Variants in RBFOX1 observed in about 807,000 individuals in gnomAD.
RBFOX1 encodes RNA binding fox-1 homolog 1.
Under a neutral mutation model 57.7 loss-of-function variants are expected in RBFOX1, and 8 were observed. The observed-to-expected ratio is 0.14, with a 90% CI of 0.08 to 0.25. The LOEUF is 0.25. Ranked by LOEUF, RBFOX1 falls within the 10% of genes least tolerant of loss-of-function variation. RBFOX1 has a pLI of 1.00. For missense variants in RBFOX1, 611 were observed against 548.5 expected, an observed-to-expected ratio of 1.11 and a Z score of -1.14; for synonymous variants, 326 against 222.4, an observed-to-expected ratio of 1.47 and a Z score of -4.15.
chr16:6,165,814 C>T (rs1412804597), intron 1 of RBFOX1, among the ~76,000 whole-genome samples: 1 of 152,178 alleles, frequency 6.6e-6, no homozygotes, highest in Non-Finnish European at 1.5e-5. Context: ...GCTGTCTGAT[C>T]ACTCAACTGT....
At chr16:5,381,109 A>G (rs763806995) in intron 1 of RBFOX1, among the ~76,000 whole-genome samples, 3 of 152,204 alleles carry the variant, frequency 2.0e-5, no homozygotes, top group Non-Finnish European at 4.4e-5. Flanking sequence ...AGAGGACAGG[A>G]TGCTGAAGGA....
At chr16:6,392,524 A>G (rs2092650003) in intron 2 of RBFOX1, among the ~76,000 whole-genome samples, 1 of 152,248 alleles carries the variant, frequency 6.6e-6, no homozygotes, top group South Asian at 2.1e-4. Context: ...ATGTAAAGTT[A>G]AAGCTAAATG....
intron 4 of RBFOX1, among the ~76,000 whole-genome samples, chr16:7,277,396 A>G (rs1699210748): frequency 6.6e-6 from 1 of 152,120 alleles, no homozygotes; most frequent in Non-Finnish European, 1.5e-5. Context: ...TCCATCTCCC[A>G]CCCATCTCCA....
chr16:6,771,099 A>C (rs2078215226), intron 3 of RBFOX1, among the ~76,000 whole-genome samples: 1 of 152,226 alleles, frequency 6.6e-6, no homozygotes, highest in South Asian at 2.1e-4. Context: ...CCTTATAAGA[A>C]GAAAAAATCA....
chr16:6,231,216 TTGTGTG>T (rs530803836), intron 1 of RBFOX1, among the ~76,000 whole-genome samples: 12 of 145,040 alleles, frequency 8.3e-5, no homozygotes, highest in Non-Finnish European at 1.5e-4. Context: ...GTGTATGTGT[TTGTGTG>T]TGTGTGTGTG....
chr16:5,866,611 G>T (rs1441425579), intron 3 of RBFOX1, among the ~76,000 whole-genome samples: 1 of 152,226 alleles, frequency 6.6e-6, no homozygotes, highest in South Asian at 2.1e-4. Context: ...TTGATATACA[G>T]TAGGCTTGTA....
chr16:6,329,547 G>A (rs563312031), intron 2 of RBFOX1, among the ~76,000 whole-genome samples: 3 of 152,292 alleles, frequency 2.0e-5, no homozygotes, highest in South Asian at 2.1e-4. Context: ...TGACAAAGGC[G>A]ATTGTCTTCA....
chr16:6,604,495 G>A (rs1413998391), intron 2 of RBFOX1, among the ~76,000 whole-genome samples: 2 of 151,910 alleles, frequency 1.3e-5, no homozygotes, highest in African/African-American at 2.4e-5. Flanking sequence ...TGGCACAATT[G>A]GATTATAAAG....
At chr16:7,300,569 A>T (rs1446715769) in intron 4 of RBFOX1, among the ~76,000 whole-genome samples, 1 of 152,156 alleles carries the variant, frequency 6.6e-6, no homozygotes, top group Non-Finnish European at 1.5e-5. Context: ...CTTTCTGTCT[A>T]ACTGGAGTCT....
chr16:6,171,392 T>C (rs1047230679), intron 1 of RBFOX1, among the ~76,000 whole-genome samples: 1 of 152,158 alleles, frequency 6.6e-6, no homozygotes, highest in Non-Finnish European at 1.5e-5. Context: ...CATAAGGAGT[T>C]CAAGACTCGA....
intron 4 of RBFOX1, among the ~76,000 whole-genome samples, chr16:7,209,538 G>A (rs1603211583): frequency 6.6e-6 from 1 of 152,106 alleles, no homozygotes. Context: ...CCTTCCTTCT[G>A]CTCTCAGTGC....
At chr16:6,725,438 C>T (rs1476373288) in intron 3 of RBFOX1, among the ~76,000 whole-genome samples, 1 of 152,126 alleles carries the variant, frequency 6.6e-6, no homozygotes, top group East Asian at 1.9e-4. Context: ...CATCCTGTGA[C>T]TCACAATCCC....
At chr16:7,055,490 C>G (rs943366341) in intron 4 of RBFOX1, among the ~76,000 whole-genome samples, 6 of 152,164 alleles carry the variant, frequency 3.9e-5, no homozygotes, top group African/African-American at 1.2e-4. Flanking sequence ...TGTCTGCCAT[C>G]TACCCCATAT....
rs1567609358 is a variant in RBFOX1 at position 6,540,096 on chromosome 16, C to CT, written c.-63-114507_-63-114506insT. Among the ~76,000 whole-genome samples, 345 of 151,942 alleles carry CT rather than the reference C, an allele frequency of 2.3e-3. 1 individual carries two copies. Among genetic ancestry groups the CT allele is most frequent in the African/African-American group, 8.0e-3 (331 of 41,422 alleles). ...TTGATGAAATAGAGAAGCAGGCTGC[C>CT]CTCTGTCAGTTGAAGAACCCATGTT... is the stretch of plus-strand genomic sequence containing the variant. On this transcript the variant is annotated intron_variant, in intron 2 of 15. Coordinates refer to ENST00000550418, the MANE Select transcript of RBFOX1 (RefSeq NM_018723.4).
At chr16:7,386,316 G>T (rs1203788332) in intron 4 of RBFOX1, among the ~76,000 whole-genome samples, 1 of 152,028 alleles carries the variant, frequency 6.6e-6, no homozygotes, top group Non-Finnish European at 1.5e-5. Context: ...CATGTGCCAT[G>T]GTGGTTGCTG....
intron 2 of RBFOX1, among the ~76,000 whole-genome samples, chr16:6,509,505 C>G (rs995294502): frequency 2.0e-5 from 3 of 151,928 alleles, no homozygotes; most frequent in African/African-American, 7.3e-5. Flanking sequence ...CTCATGGAGA[C>G]AGAAAGTAGA....
chr16:7,486,900 A>G (rs2065547468), intron 4 of RBFOX1, among the ~76,000 whole-genome samples: 1 of 151,922 alleles, frequency 6.6e-6, no homozygotes, highest in Admixed American at 6.6e-5. Flanking sequence ...ACTTCAAGGC[A>G]TTTGTTTTTG....
At chr16:6,077,588 G>C (rs1055307614) in intron 1 of RBFOX1, among the ~76,000 whole-genome samples, 1 of 152,094 alleles carries the variant, frequency 6.6e-6, no homozygotes, top group Admixed American at 6.5e-5. Flanking sequence ...ACCTCCTTAA[G>C]TTATATATAC....
chr16:6,426,424 A>C (rs56747036), intron 2 of RBFOX1, among the ~76,000 whole-genome samples: 6,486 of 152,208 alleles, frequency 0.043, 475 homozygotes, highest in African/African-American at 0.15. Flanking sequence ...GAGGAGGGGA[A>C]AGAGATAATC....
Sources: allele counts gnomAD v4.1 joint callset (sites outside exome capture counted in the v4.1 genomes callset), GRCh38; gene constraint gnomAD v4.1.1; transcripts MANE v1.5; gene names NCBI Gene and HGNC (gene_info 2026-07-23, HGNC 2026-07-21).